The following ARHGAP42 variants were observed in gnomAD, a reference collection of about 807,000 sequenced individuals.
ARHGAP42 encodes rho GTPase-activating protein 42.
A neutral mutation model predicts 125.0 loss-of-function variants in ARHGAP42; 63 were observed. The ratio of observed to expected loss-of-function variants is 0.50; its 90% confidence interval spans 0.41 to 0.62. The LOEUF (loss-of-function observed/expected upper bound fraction) is 0.62, where lower values mean the gene tolerates loss of function less well. ARHGAP42 is among the 20% of genes least tolerant of loss of function. The pLI is 0.00. For missense variants in ARHGAP42, 766 were observed against 1,024.2 expected, an observed-to-expected ratio of 0.75 and a Z score of 3.44; for synonymous variants, 339 against 351.0, an observed-to-expected ratio of 0.97 and a Z score of 0.38.
At chr11:100,875,095 CTCTCTCTCTCTCTG>C (rs1287189275) in intron 4 of ARHGAP42, among the ~76,000 whole-genome samples, 114 of 94,892 alleles carry the variant, frequency 1.2e-3, no homozygotes, top group African/African-American at 2.7e-3. Context: ...CTCTCTCTCT[CTCTCTCTCTCTCTG>C]TGTGTGTGTG....
At position 100,940,412 on chromosome 11, in the gene ARHGAP42, C is replaced by T. The variant is rs1298089697; in HGVS notation, c.833-1372C>T. Among the ~76,000 whole-genome samples the T allele has an allele frequency of 8.5e-5, 13 of 152,078 alleles. No individual in the cohort carries two copies. The East Asian group carries it at 2.1e-3, about 25-fold the overall frequency. On this transcript the variant is annotated intron_variant, in intron 8 of 23. Coordinates refer to ENST00000298815, the MANE Select transcript of ARHGAP42 (RefSeq NM_152432.4). ...TAGAAAACAAGCTCCATTTTCGATC[C>T]ACTCAGTCCACTATGGTGTTTGGGT...
chr11:100,912,227 A>G (rs760054523), intron 4 of ARHGAP42, among the ~76,000 whole-genome samples: 50 of 152,144 alleles, frequency 3.3e-4, no homozygotes, highest in Non-Finnish European at 4.3e-4. Flanking sequence ...ATTAGGTTCA[A>G]AAACTGCAAT....
At chr11:100,946,147 G>A (rs2135278451) in intron 10 of ARHGAP42, among the ~76,000 whole-genome samples, 1 of 152,104 alleles carries the variant, frequency 6.6e-6, no homozygotes, top group Middle Eastern at 3.4e-3. Flanking sequence ...ACCAACTTCT[G>A]CTAGGTTCAT....
At chr11:100,939,164 G>T (rs762138740) in intron 8 of ARHGAP42, among the ~76,000 whole-genome samples, 3 of 152,106 alleles carry the variant, frequency 2.0e-5, no homozygotes, top group African/African-American at 7.2e-5. Context: ...AACCGGAAGA[G>T]CCAGGGGTTC....
At chr11:100,777,473 G>T (rs1206999325) in intron 2 of ARHGAP42, among the ~76,000 whole-genome samples, 1 of 152,110 alleles carries the variant, frequency 6.6e-6, no homozygotes, top group Admixed American at 6.5e-5. Flanking sequence ...GTGTAAAAAG[G>T]CATAAAATTT....
At chr11:100,903,789 A>T (rs1383026487) in intron 4 of ARHGAP42, among the ~76,000 whole-genome samples, 1 of 140,660 alleles carries the variant, frequency 7.1e-6, no homozygotes, top group Non-Finnish European at 1.5e-5. Context: ...GTTTTAACTT[A>T]CACGATCACA....
chr11:100,721,801 T>G (rs1030564680), intron 1 of ARHGAP42, among the ~76,000 whole-genome samples: 1 of 152,156 alleles, frequency 6.6e-6, no homozygotes, highest in Non-Finnish European at 1.5e-5. Context: ...TGCTGAATGA[T>G]ATGATGTTAT....
intron 4 of ARHGAP42, among the ~76,000 whole-genome samples, chr11:100,911,228 G>T (rs1866907116): frequency 6.6e-6 from 1 of 152,170 alleles, no homozygotes; most frequent in African/African-American, 2.4e-5. Context: ...TGAACAAATA[G>T]AATGTCTGTG....
At chr11:100,722,347 C>A (rs1340170830) in intron 1 of ARHGAP42, among the ~76,000 whole-genome samples, 5 of 150,614 alleles carry the variant, frequency 3.3e-5, no homozygotes, top group Non-Finnish European at 7.4e-5. Flanking sequence ...GGATATAAGT[C>A]CTTCATCAGA....
chr11:100,916,295 A>T (rs1867062169), intron 5 of ARHGAP42, among the ~76,000 whole-genome samples: 1 of 152,242 alleles, frequency 6.6e-6, no homozygotes, highest in Non-Finnish European at 1.5e-5. Context: ...AATGCATAAA[A>T]ATAAGTAATC....
At chr11:100,705,722 T>TA (rs1861472608) in intron 1 of ARHGAP42, among the ~76,000 whole-genome samples, 1 of 152,074 alleles carries the variant, frequency 6.6e-6, no homozygotes, top group African/African-American at 2.4e-5. Flanking sequence ...ACATGCATTA[T>TA]ATTTAATTAT....
chr11:100,935,857 G>C (rs919609511), intron 7 of ARHGAP42, among the ~76,000 whole-genome samples: 2 of 152,096 alleles, frequency 1.3e-5, no homozygotes, highest in African/African-American at 4.8e-5. Flanking sequence ...CATTTTTCTG[G>C]GCCGGTCAGG....
chr11:100,958,751 C>T (rs1857876392), intron 12 of ARHGAP42, among the ~76,000 whole-genome samples: 1 of 151,892 alleles, frequency 6.6e-6, no homozygotes, highest in African/African-American at 2.4e-5. Context: ...CTGTCGATTA[C>T]TTTTGTCACC....
chr11:100,766,171 T>G (rs1862823667), intron 1 of ARHGAP42, among the ~76,000 whole-genome samples: 1 of 151,932 alleles, frequency 6.6e-6, no homozygotes, highest in African/African-American at 2.4e-5. Flanking sequence ...TGAATGCATG[T>G]GAAGACACTT....
intron 5 of ARHGAP42, among the ~76,000 whole-genome samples, chr11:100,919,689 A>G (rs771030461): frequency 6.6e-6 from 1 of 152,174 alleles, no homozygotes; most frequent in Non-Finnish European, 1.5e-5. Flanking sequence ...GATGTGAGCC[A>G]CCATATCCAG....
intron 5 of ARHGAP42, among the ~76,000 whole-genome samples, chr11:100,916,664 G>T (rs1479194607): frequency 6.6e-6 from 1 of 152,090 alleles, no homozygotes; most frequent in African/African-American, 2.4e-5. Flanking sequence ...AGGTAAATTT[G>T]ACATTGTATT....
rs1401495418 is a variant in ARHGAP42 at position 100,751,638 on chromosome 11, C to T, written c.155-18705C>T. Among the ~76,000 whole-genome samples the T allele has an allele frequency of 2.6e-5, 4 of 151,926 alleles. No homozygotes were observed. The East Asian group carries it at 7.7e-4, about 29-fold the overall frequency. On this transcript the variant is annotated intron_variant, in intron 1 of 23. Coordinates refer to ENST00000298815, the MANE Select transcript of ARHGAP42 (RefSeq NM_152432.4). Reference sequence around the variant, plus strand: ...CAGAGGTAGCAGCTGGGAAAGCCCTCACTGAAACACACTGAGGTCTTAACA... The same window carrying T: ...CAGAGGTAGCAGCTGGGAAAGCCCTTACTGAAACACACTGAGGTCTTAACA...
chr11:100,793,499 AATATG>A (rs1274174798), intron 2 of ARHGAP42, among the ~76,000 whole-genome samples: 1 of 152,228 alleles, frequency 6.6e-6, no homozygotes, highest in Admixed American at 6.5e-5. Context: ...AATAAAATCC[AATATG>A]AAATAATCAT....
intron 22 of ARHGAP42, among the ~76,000 whole-genome samples, chr11:100,986,640 CTAT>C (rs1008778920): frequency 6.6e-6 from 1 of 152,066 alleles, no homozygotes; most frequent in African/African-American, 2.4e-5. Context: ...GTTGGAAATG[CTAT>C]TGTCTTGGAC....
Sources: allele counts gnomAD v4.1 joint callset (sites outside exome capture counted in the v4.1 genomes callset), GRCh38; gene constraint gnomAD v4.1.1; transcripts MANE v1.5; gene names NCBI Gene and HGNC (gene_info 2026-07-23, HGNC 2026-07-21).